Variants in GYG2 observed in about 807,000 individuals in gnomAD.
GYG2 encodes glycogenin 2, also known as glycogenin-2.
A neutral mutation model predicts 29.4 loss-of-function variants in GYG2; 29 were observed. The ratio of observed to expected loss-of-function variants is 0.99; its 90% CI spans 0.74 to 1.35. The LOEUF (loss-of-function observed/expected upper bound fraction) is 1.35, where lower values mean the gene tolerates loss of function less well. GYG2 is among the 40% of genes most tolerant of loss of function. The probability of loss-of-function intolerance (pLI) is 0.00; values close to 1 mark genes in which losing one functional copy is unlikely to be tolerated. For missense variants in GYG2, 370 were observed against 385.7 expected (o/e 0.96, Z 0.34); for synonymous variants, 167 against 172.3 (o/e 0.97, Z 0.24).
At chrX:2,834,390 C>T (rs1237852038) in intron 2 of GYG2, among the ~76,000 whole-genome samples, 1 of 112,082 alleles carries the variant, frequency 8.9e-6, no homozygotes, top group Non-Finnish European at 1.9e-5. Flanking sequence ...GGATGGGAGC[C>T]ATATTCATTC....
At position 2,880,973 on chromosome X, in the gene GYG2, A is replaced by T. The variant is rs2088707238; in HGVS notation, c.1252-79A>T. 3 of 913,379 alleles carry T rather than the reference A, an allele frequency of 3.3e-6. No individual in the cohort carries two copies. The East Asian group carries it at 9.5e-5, about 29-fold the overall frequency. The allele number at this position is 913,379 out of a possible 1,213,427, so 75.3% of individuals were successfully genotyped here. ...GAGATGCATCTTTCTGCGGGACCCT[A>T]CACTGGATGGGTTTTAGCAGTCTTT... On this transcript the variant is annotated intron_variant, in intron 10 of 10. Transcript: ENST00000398806.
intron 10 of GYG2, among the ~76,000 whole-genome samples, chrX:2,878,557 A>G (rs1423539962): frequency 8.9e-6 from 1 of 111,766 alleles, no homozygotes; most frequent in East Asian, 2.8e-4. Context: ...GGCATGAGCC[A>G]CCGCGCCCAG....
At chrX:2,876,724 G>A (rs985670680) in intron 9 of GYG2, among the ~76,000 whole-genome samples, 2 of 110,168 alleles carry the variant, frequency 1.8e-5, no homozygotes, top group Non-Finnish European at 3.8e-5. Context: ...CGAGGCGGGC[G>A]GATCATGAGG....
At chrX:2,846,059 T>G (rs1222991285) in intron 3 of GYG2, among the ~76,000 whole-genome samples, 1 of 10,547 alleles carries the variant, frequency 9.5e-5, no homozygotes, top group African/African-American at 2.8e-4. Context: ...ATATATATTT[T>G]TTTTTTTTTT....
intron 8 of GYG2, among the ~76,000 whole-genome samples, chrX:2,872,008 C>G (rs1341741979): frequency 8.9e-6 from 1 of 111,946 alleles, no homozygotes; most frequent in Non-Finnish European, 1.9e-5. Context: ...TGCTGTCTAT[C>G]TGTTCCCTGC....
rs768369997 is a variant in GYG2 at position 2,848,378 on chromosome X, A to G, written c.149+5024A>G. ...ACATGGTGAAACCCCGTCTTTACTA[A>G]AAATACAAAAAACATTAACCAGGCG... On this transcript the variant is annotated intron_variant, in intron 3 of 10. Transcript: ENST00000398806. 6.3e-5 allele frequency among the ~76,000 whole-genome samples: 7 copies of G among 110,534 alleles called. No homozygotes were observed. The East Asian group carries it at 2.0e-3, about 32-fold the overall frequency.
chrX:2,873,680 T>A (rs2088526914), intron 8 of GYG2, among the ~76,000 whole-genome samples: 1 of 111,581 alleles, frequency 9.0e-6, no homozygotes, highest in South Asian at 3.8e-4. Context: ...AACTTATTTA[T>A]CTTGTGTAAC....
At chrX:2,871,697 TAA>T (rs2088474455) in intron 8 of GYG2, among the ~76,000 whole-genome samples, 1 of 4,422 alleles carries the variant, frequency 2.3e-4, no homozygotes, top group Non-Finnish European at 1.2e-3. Context: ...CTCAAATAAA[TAA>T]ATAAATAAAT....
In GYG2 at chrX:2,877,286, C is replaced by T; in HGVS notation, c.1230C>T (p.Pro410=). The change falls in exon 10 of 11, where the codon CCC becomes CCT. Residue 410 remains proline (P), a synonymous_variant. Transcript: ENST00000398806. ...QELPAEALRD[P]SLQDALEVDL... is the part of the protein sequence containing the mutation. ...TCCCTGCTGAGGCTCTCAGGGACCC[C>T]AGTCTGCAGGATGCACTGGAGGTGG... 8.3e-7 allele frequency: 1 copy of T among 1,210,909 alleles called. No homozygotes were observed.
chrX:2,830,417 G>T (rs1343020487), intron 2 of GYG2, among the ~76,000 whole-genome samples: 1 of 111,986 alleles, frequency 8.9e-6, no homozygotes, highest in African/African-American at 3.3e-5. Flanking sequence ...GGGGGCCTTG[G>T]GATTTCACCA....
chrX:2,843,402 AG>A, intron 3 of GYG2, 48 bp downstream of exon 3: 1 of 1,038,120 alleles, frequency 9.6e-7, no homozygotes, highest in South Asian at 2.1e-5. Context: ...CTATAGAAGG[AG>A]GGTCACCTCT....
intron 8 of GYG2, among the ~76,000 whole-genome samples, chrX:2,873,940 A>C (rs1329315679): frequency 1.8e-5 from 2 of 110,391 alleles, no homozygotes; most frequent in African/African-American, 3.3e-5. Context: ...AAAATACACA[A>C]AAAAAATTAG....
chrX:2,879,601 T>G (rs983806969), intron 10 of GYG2, among the ~76,000 whole-genome samples: 2 of 112,211 alleles, frequency 1.8e-5, no homozygotes, highest in African/African-American at 6.5e-5. Context: ...CATCTATATA[T>G]CCATTCATCC....
At chrX:2,851,695 A>G (rs1042421868) in intron 3 of GYG2, among the ~76,000 whole-genome samples, 2 of 112,201 alleles carry the variant, frequency 1.8e-5, no homozygotes, top group Admixed American at 9.5e-5. Flanking sequence ...GTTAAATTTC[A>G]TCACCTGGAT....
At chrX:2,854,920 A>G in intron 4 of GYG2, 73 bp from the exon 5 acceptor site, 1 of 1,113,361 alleles carries the variant, frequency 9.0e-7, no homozygotes, top group African/African-American at 1.8e-5. Flanking sequence ...CGACAGAGCA[A>G]GACTCTGTCT....
Position 2,856,628 on chromosome X carries a change from A to T in GYG2, c.614+4A>T, listed in dbSNP as rs375515546. 1.2e-5 allele frequency: 14 copies of T among 1,199,404 alleles called. No homozygotes were observed. The highest frequency in any genetic ancestry group is 1.6e-5 in the Non-Finnish European group (14 of 888,797). On this transcript the variant is annotated splice_donor_region_variant and intron_variant, in intron 6 of 10. Transcript: ENST00000398806. ...CTTACAGCCCTGCCTTCAAGCAGTA[A>T]GTTCTCCACCCTGGCGAATCCTGCC...
At chrX:2,874,892 T>C (rs1209803519) in intron 8 of GYG2, among the ~76,000 whole-genome samples, 1 of 111,693 alleles carries the variant, frequency 9.0e-6, no homozygotes, top group Non-Finnish European at 1.9e-5. Context: ...GGGGCTCATG[T>C]TGAGGCTCAA....
intron 3 of GYG2, among the ~76,000 whole-genome samples, chrX:2,844,502 GTA>G (rs776304603): frequency 2.9e-5 from 3 of 102,469 alleles, no homozygotes; most frequent in Non-Finnish European, 4.0e-5. Flanking sequence ...ACGCGTGTGC[GTA>G]TATATGTGTA....
At chrX:2,856,799 C>CATCTATCT (rs1555898880) in intron 6 of GYG2, among the ~76,000 whole-genome samples, 175 bp downstream of exon 6, 2 of 91,507 alleles carry the variant, frequency 2.2e-5, no homozygotes, top group East Asian at 3.3e-4. Context: ...ATCTATCTAT[C>CATCTATCT]ATCTATCTAT....
Sources: allele counts gnomAD v4.1 joint callset (sites outside exome capture counted in the v4.1 genomes callset), GRCh38; gene constraint gnomAD v4.1.1; transcripts MANE v1.5; gene names NCBI Gene and HGNC (gene_info 2026-07-23, HGNC 2026-07-21).